The following ADAMTSL1 variants were observed in gnomAD, a reference collection of about 807,000 sequenced individuals.
ADAMTSL1 encodes ADAMTS-like protein 1.
Under a neutral mutation model 201.8 loss-of-function variants are expected in ADAMTSL1, and 126 were observed. The observed-to-expected ratio is 0.62, with a 90% CI of 0.54 to 0.72. ADAMTSL1 has a LOEUF of 0.72. Ranked by LOEUF, ADAMTSL1 falls within the 30% of genes least tolerant of loss-of-function variation. The probability of loss-of-function intolerance (pLI) is 0.00; values close to 1 mark genes in which losing one functional copy is unlikely to be tolerated. For missense variants in ADAMTSL1, 2,679 were observed against 2,277.8 expected, an observed-to-expected ratio of 1.18 and a Z score of -3.59; for synonymous variants, 1,121 against 903.4, an observed-to-expected ratio of 1.24 and a Z score of -4.32.
At chr9:18,043,892 T>C (rs1268348293) in intron 1 of ADAMTSL1, among the ~76,000 whole-genome samples, 1 of 151,006 alleles carries the variant, frequency 6.6e-6, no homozygotes, top group Non-Finnish European at 1.5e-5. Context: ...CTGATGACTA[T>C]CCTCTTTCTT....
At chr9:18,209,564 C>G (rs2132308770) in intron 2 of ADAMTSL1, among the ~76,000 whole-genome samples, 1 of 152,252 alleles carries the variant, frequency 6.6e-6, no homozygotes, top group African/African-American at 2.4e-5. Context: ...AAACTTAATT[C>G]TTGACTCTAA....
chr9:18,616,430 G>T (rs79775229), intron 4 of ADAMTSL1, among the ~76,000 whole-genome samples: 15,612 of 152,208 alleles, frequency 0.1, 888 homozygotes, highest in Middle Eastern at 0.18. Context: ...ATGTTATTGG[G>T]ACATTGTTAT....
chr9:18,423,034 A>C (rs7852203), intron 2 of ADAMTSL1, among the ~76,000 whole-genome samples: 1 of 151,738 alleles, frequency 6.6e-6, no homozygotes, highest in Non-Finnish European at 1.5e-5. Context: ...GGATAGGAAA[A>C]CTCCCTCATC....
intron 2 of ADAMTSL1, among the ~76,000 whole-genome samples, chr9:18,417,970 ACT>A (rs1330424328): frequency 1.3e-5 from 2 of 152,172 alleles, no homozygotes; most frequent in Admixed American, 6.6e-5. Context: ...ACCAAATCAA[ACT>A]CAGCAATACA....
At chr9:17,950,109 G>C (rs985172797) in intron 1 of ADAMTSL1, among the ~76,000 whole-genome samples, 4 of 151,966 alleles carry the variant, frequency 2.6e-5, no homozygotes, top group African/African-American at 4.8e-5. Flanking sequence ...AAGTAGAGAT[G>C]GGGTTTTACC....
At chr9:18,645,263 A>C (rs1171388285) in intron 7 of ADAMTSL1, among the ~76,000 whole-genome samples, 1 of 152,088 alleles carries the variant, frequency 6.6e-6, no homozygotes, top group Non-Finnish European at 1.5e-5. Context: ...AATTTGTTTG[A>C]GTTCATTGTA....
chr9:18,203,181 C>G (rs1184966825), intron 2 of ADAMTSL1, among the ~76,000 whole-genome samples: 3 of 152,084 alleles, frequency 2.0e-5, no homozygotes, highest in Non-Finnish European at 4.4e-5. Flanking sequence ...GCTGGAGGCT[C>G]CCTGCTGAAG....
intron 2 of ADAMTSL1, among the ~76,000 whole-genome samples, chr9:18,313,103 T>C (rs943171276): frequency 3.9e-5 from 6 of 152,218 alleles, no homozygotes; most frequent in African/African-American, 1.4e-4. Context: ...ATGTGACTAT[T>C]TGAAACACAG....
rs188331796 is a variant in ADAMTSL1, at chr9:18,088,877, C to A, written c.88-74985C>A. ...ACTCCCATATGATCTAACAATCCTA[C>A]TTCTGGGTATTTATCTGAAAGATTT... On this transcript the variant is annotated intron_variant, in intron 1 of 29. Transcript: ENST00000680146. 4.3e-4 allele frequency among the ~76,000 whole-genome samples: 65 copies of A among 152,278 alleles called. 1 individual carries two copies. In the East Asian group the frequency reaches 0.011, roughly 27 times the overall value.
chr9:18,468,271 A>T (rs1696099150), intron 2 of ADAMTSL1, among the ~76,000 whole-genome samples: 1 of 152,204 alleles, frequency 6.6e-6, no homozygotes, highest in South Asian at 2.1e-4. Context: ...GTACTGAACA[A>T]GTCTATCCTC....
intron 13 of ADAMTSL1, among the ~76,000 whole-genome samples, chr9:18,690,182 G>A (rs1333061221): frequency 6.6e-6 from 1 of 152,128 alleles, no homozygotes; most frequent in East Asian, 1.9e-4. Context: ...AGTCACCATG[G>A]TGATTCTGTA....
intron 4 of ADAMTSL1, among the ~76,000 whole-genome samples, chr9:18,602,554 T>A (rs1187575610): frequency 6.6e-6 from 1 of 152,164 alleles, no homozygotes; most frequent in Non-Finnish European, 1.5e-5. Context: ...GCAGCCTGCC[T>A]TTATTGTTCC....
chr9:18,413,063 A>G (rs1384186993), intron 2 of ADAMTSL1, among the ~76,000 whole-genome samples: 1 of 151,828 alleles, frequency 6.6e-6, no homozygotes, highest in Non-Finnish European at 1.5e-5. Flanking sequence ...ACCTTTTTCT[A>G]TACTCTGAAC....
At chr9:18,695,587 T>C (rs1349808758) in intron 13 of ADAMTSL1, among the ~76,000 whole-genome samples, 1 of 152,186 alleles carries the variant, frequency 6.6e-6, no homozygotes, top group Non-Finnish European at 1.5e-5. Context: ...AGTTCAAGGT[T>C]CAAGGTTCCA....
At chr9:17,942,531 G>T (rs1827281811) in intron 1 of ADAMTSL1, among the ~76,000 whole-genome samples, 1 of 152,126 alleles carries the variant, frequency 6.6e-6, no homozygotes, top group African/African-American at 2.4e-5. Flanking sequence ...CTTTGTTATA[G>T]CTGAAAAATG....
chr9:18,311,214 G>T (rs1834142637), intron 2 of ADAMTSL1, among the ~76,000 whole-genome samples: 1 of 151,862 alleles, frequency 6.6e-6, no homozygotes, highest in African/African-American at 2.4e-5. Context: ...GGGGGTGGGG[G>T]GCTAGGGTAG....
intron 1 of ADAMTSL1, among the ~76,000 whole-genome samples, chr9:18,486,169 A>G (rs373878488): frequency 6.6e-6 from 1 of 152,206 alleles, no homozygotes; most frequent in South Asian, 2.1e-4. Flanking sequence ...AAGAGTTAGT[A>G]ATTTTATTCA....
intron 2 of ADAMTSL1, among the ~76,000 whole-genome samples, chr9:18,508,099 C>T (rs995362714): frequency 5.3e-5 from 8 of 151,780 alleles, no homozygotes; most frequent in South Asian, 2.1e-4. Flanking sequence ...GCAGGAGAAT[C>T]GCTTGAACCC....
rs71333072 is a variant in ADAMTSL1, at chr9:18,904,633, C to CAAAAAA, written c.4852-1115_4852-1110dup. Among the ~76,000 whole-genome samples the CAAAAAA allele has an allele frequency of 2.3e-3, 35 of 15,006 alleles. 7 individuals carry two copies. The highest frequency in any genetic ancestry group is 5.5e-3 in the Admixed American group (3 of 548). The allele number at this position is 15,006 out of a possible 152,430, so 9.8% of individuals were successfully genotyped here. On this transcript the variant is annotated intron_variant, in intron 26 of 28. Coordinates refer to ENST00000380548, the MANE Select transcript of ADAMTSL1 (RefSeq NM_001040272.6). ...TGGGCAACAGAAAGAGACCCTGCCT[C>CAAAAAA]AAAAAAAAAAAAAAAAAAAAAAAAA...
Sources: gnomAD v4.1 joint callset for allele counts (sites outside exome capture counted in the v4.1 genomes callset) on GRCh38, gnomAD v4.1.1 for gene constraint, MANE v1.5 for transcripts, NCBI Gene and HGNC (gene_info 2026-07-23, HGNC 2026-07-21) for gene names.